PLAC9: variants seen among roughly 807,000 people sequenced by gnomAD.
PLAC9 encodes placenta-specific protein 9.
PLAC9 carries 12 observed loss-of-function variants against 11.5 expected under a neutral mutation model. The ratio of observed to expected loss-of-function variants is 1.05; its 90% CI spans 0.67 to 1.69. PLAC9 has a LOEUF of 1.69. PLAC9 is among the 40% of genes most tolerant of loss of function. PLAC9 has a pLI of 0.00. For missense variants in PLAC9, 132 were observed against 130.5 expected (o/e 1.01, Z -0.06); for synonymous variants, 62 against 58.1 (o/e 1.07, Z -0.31).
At chr10:80,133,707 C>T (rs1844939462) in intron 1 of PLAC9, among the ~76,000 whole-genome samples, 1 of 152,054 alleles carries the variant, frequency 6.6e-6, no homozygotes, top group South Asian at 2.1e-4. Context: ...CCTCACCTAC[C>T]CCTCAGGCGG....
At chr10:80,135,321 CTTTTT>C (rs139336508) in intron 1 of PLAC9, among the ~76,000 whole-genome samples, 34 of 67,338 alleles carry the variant, frequency 5.0e-4, no homozygotes, top group African/African-American at 2.2e-3. Flanking sequence ...TGCGCCCGGC[CTTTTT>C]TTTTTTTTTT....
Position 80,144,922 on chromosome 10 carries a change from G to T in PLAC9, c.*12G>T. 1 of 1,572,518 alleles carries T rather than the reference G, an allele frequency of 6.4e-7. No individual in the cohort carries two copies. On this transcript the variant is annotated 3_prime_UTR_variant, in exon 4 of 4. Transcript: ENST00000372263. ...CAGATGGCTTCTGAGCCCTGGAGCT[G>T]GAGCCCAGCAGTTGGAGGTGGTGCA... is the stretch of plus-strand genomic sequence containing the variant.
At chr10:80,132,925 C>T (rs1300558951) in intron 1 of PLAC9, 99 bp downstream of exon 1, 4 of 1,017,516 alleles carry the variant, frequency 3.9e-6, no homozygotes, top group Non-Finnish European at 5.4e-6. Flanking sequence ...GAGCTGGACA[C>T]AGCAGCGAGA....
chr10:80,138,575 T>C (rs1845004068), intron 1 of PLAC9, among the ~76,000 whole-genome samples: 1 of 152,188 alleles, frequency 6.6e-6, no homozygotes, highest in Admixed American at 6.5e-5. Flanking sequence ...TGCTGAGAGC[T>C]AGATAGAGTT....
At chr10:80,140,468 G>A (rs563322772) in intron 1 of PLAC9, among the ~76,000 whole-genome samples, 4 of 152,162 alleles carry the variant, frequency 2.6e-5, no homozygotes, top group South Asian at 2.1e-4. Flanking sequence ...CGCTGCTTTC[G>A]GCCCTGCTGA....
At chr10:80,142,489 C>T (rs56140719) in intron 2 of PLAC9, among the ~76,000 whole-genome samples, 10,592 of 152,236 alleles carry the variant, frequency 0.07, 570 homozygotes, top group South Asian at 0.2. Context: ...GAAAAGTTTA[C>T]ATCTTTATTG....
At chr10:80,137,560 C>T (rs1366062832) in intron 1 of PLAC9, among the ~76,000 whole-genome samples, 2 of 152,210 alleles carry the variant, frequency 1.3e-5, no homozygotes, top group South Asian at 2.1e-4. Flanking sequence ...CAGAGGCCCC[C>T]TCAGAGCTTT....
At position 80,144,149 on chromosome 10, in the gene PLAC9, C is replaced by T. The variant is rs1057298108; in HGVS notation, c.163-74C>T. ...GCACCGCACTGGACCGCCAGCTGCT[C>T]TCTTAGGACCTAGCTGATGAAGCGG... is the stretch of plus-strand genomic sequence containing the variant. On this transcript the variant is annotated intron_variant, in intron 2 of 3. Coordinates refer to ENST00000372263, the MANE Select transcript of PLAC9 (RefSeq NM_001012973.3). 20 of 1,605,786 alleles carry T rather than the reference C, an allele frequency of 1.2e-5. No individual in the cohort carries two copies. The Admixed American group carries it at 1.5e-4, about 12-fold the overall frequency.
chr10:80,134,268 T>TC (rs202210211), intron 1 of PLAC9, among the ~76,000 whole-genome samples: 13 of 139,446 alleles, frequency 9.3e-5, no homozygotes, highest in African/African-American at 2.4e-4. Context: ...TTTCTTTCTT[T>TC]TTTTTTTTTT....
intron 1 of PLAC9, among the ~76,000 whole-genome samples, chr10:80,139,758 AT>A (rs774760254): frequency 1.3e-5 from 2 of 151,330 alleles, no homozygotes; most frequent in African/African-American, 4.9e-5. Context: ...TTAACTTAAA[AT>A]TTTTTTTCTT....
intron 2 of PLAC9, 32 bp from the exon 3 acceptor site, chr10:80,144,191 T>C (rs1845072970): frequency 6.2e-7 from 1 of 1,613,944 alleles, no homozygotes; most frequent in Admixed American, 1.7e-5. Context: ...GAACCACTTC[T>C]GTCCTCGACT....
intron 1 of PLAC9, among the ~76,000 whole-genome samples, chr10:80,134,719 T>C (rs1357632693): frequency 2.0e-5 from 3 of 152,238 alleles, no homozygotes; most frequent in Non-Finnish European, 4.4e-5. Flanking sequence ...TGTCCTTGAT[T>C]GATTGTGTCA....
intron 1 of PLAC9, among the ~76,000 whole-genome samples, chr10:80,135,695 T>C (rs187620556): frequency 1.1e-4 from 16 of 151,472 alleles, no homozygotes; most frequent in Non-Finnish European, 2.2e-4. Flanking sequence ...GATGGCTTTT[T>C]AGACCATGAG....
At chr10:80,141,897 G>A (rs1251742130) in intron 1 of PLAC9, among the ~76,000 whole-genome samples, 185 bp from the exon 2 acceptor site, 2 of 152,006 alleles carry the variant, frequency 1.3e-5, no homozygotes, top group Non-Finnish European at 2.9e-5. Flanking sequence ...GTAGGTGACT[G>A]TGGCTGTAGA....
intron 1 of PLAC9, among the ~76,000 whole-genome samples, chr10:80,138,779 C>G (rs1239647736): frequency 6.6e-6 from 1 of 152,108 alleles, no homozygotes; most frequent in African/African-American, 2.4e-5. Flanking sequence ...GCAGATGGCC[C>G]CTTGGCCAAC....
At chr10:80,144,697 C>T (rs1432518813) in intron 3 of PLAC9, among the ~76,000 whole-genome samples, 1 of 152,158 alleles carries the variant, frequency 6.6e-6, no homozygotes, top group East Asian at 1.9e-4. Context: ...CCTGTTCCAC[C>T]CCAAAACTCT....
In PLAC9 at chr10:80,144,285, G is replaced by A; in HGVS notation, c.225G>A (p.Glu75=). The A allele has an allele frequency of 1.9e-6, 3 of 1,613,750 alleles. No homozygotes were observed. The highest frequency in any genetic ancestry group is 2.5e-6 in the Non-Finnish European group (3 of 1,180,012). ...TEVKGLLGLL[E]ELAWNLPPGP... ...TGAAAGGCCTGCTGGGCCTGCTGGA[G>A]GAGCTGGCCTGGAACCTGCCCCCGG... Residue 75 remains glutamate, a synonymous_variant, in exon 3 of 4, where the codon GAG becomes GAA. Coordinates refer to ENST00000372263, the MANE Select transcript of PLAC9 (RefSeq NM_001012973.3).
At chr10:80,139,972 G>T (rs528311016) in intron 1 of PLAC9, among the ~76,000 whole-genome samples, 1 of 152,048 alleles carries the variant, frequency 6.6e-6, no homozygotes, top group African/African-American at 2.4e-5. Flanking sequence ...TCCTCCCTAC[G>T]TGATCTCCAT....
rs569069836 is a variant in PLAC9 at position 80,139,827 on chromosome 10, C to T, written c.65-2255C>T. Among the ~76,000 whole-genome samples, 400 of 151,948 alleles carry T rather than the reference C, an allele frequency of 2.6e-3. 1 individual carries two copies. The highest frequency in any genetic ancestry group is 3.9e-3 in the Non-Finnish European group (266 of 67,948). On this transcript the variant is annotated intron_variant, in intron 1 of 3. Transcript: ENST00000372263. ...CTGGTCTTGAACTCCTGGCCTCAAG[C>T]GACCCTCCCACTCGGCCTCCCAAAG...
Sources: gnomAD v4.1 joint callset for allele counts (sites outside exome capture counted in the v4.1 genomes callset) on GRCh38, gnomAD v4.1.1 for gene constraint, MANE v1.5 for transcripts, NCBI Gene and HGNC (gene_info 2026-07-23, HGNC 2026-07-21) for gene names.